Variants in MYRIP observed in about 807,000 individuals in gnomAD.
MYRIP encodes rab effector MyRIP.
Under a neutral mutation model 98.0 loss-of-function variants are expected in MYRIP, and 49 were observed. That is an observed-to-expected ratio of 0.50 (90% confidence interval 0.40 to 0.63). The LOEUF is 0.63. Among genes scored for constraint, MYRIP ranks in the 30% least tolerant of loss-of-function variants. The pLI, the probability that MYRIP is intolerant of heterozygous loss-of-function variation, is 0.00. For synonymous variants in MYRIP, 404 were observed against 409.5 expected, an observed-to-expected ratio of 0.99 and a Z score of 0.16; for missense variants, 1,004 against 1,058.2, an observed-to-expected ratio of 0.95 and a Z score of 0.71.
At chr3:39,981,716 A>G (rs1317460302) in intron 2 of MYRIP, among the ~76,000 whole-genome samples, 3 of 152,150 alleles carry the variant, frequency 2.0e-5, no homozygotes, top group African/African-American at 4.8e-5. Context: ...TGAAGAGACA[A>G]TTTTATCTGA....
At chr3:39,818,599 AT>A (rs1218603309) in intron 1 of MYRIP, among the ~76,000 whole-genome samples, 1 of 150,634 alleles carries the variant, frequency 6.6e-6, no homozygotes, top group East Asian at 1.9e-4. Flanking sequence ...ATCATATGAA[AT>A]AACATATTTT....
intron 1 of MYRIP, among the ~76,000 whole-genome samples, chr3:39,845,999 G>A (rs1941954650): frequency 6.6e-6 from 1 of 152,132 alleles, no homozygotes. Context: ...TCTAGAACTT[G>A]CAGATCAAAT....
In MYRIP at chr3:40,162,744, G is replaced by A; in HGVS notation, c.484G>A (p.Glu162Lys). The A allele has an allele frequency of 6.2e-7, 1 of 1,613,938 alleles. No individual in the cohort carries two copies. The highest frequency in any genetic ancestry group is 8.5e-7 in the Non-Finnish European group (1 of 1,179,902). ...TACCCTGCCAGGAGGAAGCCTTTTT[G>A]AGTCAAACCTGGAGAATGAAGGAAG... Reference protein sequence around the residue: ...CFDILGGSLFESNLENEGSIS... With the variant: ...CFDILGGSLFKSNLENEGSIS... The change falls in exon 5 of 17, where the codon GAG (glutamate) becomes AAG (lysine). Residue 162 changes from glutamate (E) to lysine (K), a missense_variant. By Grantham distance (56) the Glu-to-Lys change is moderately conservative (BLOSUM62 1). Transcript: ENST00000302541.
intron 1 of MYRIP, among the ~76,000 whole-genome samples, chr3:39,874,059 C>G (rs1942896562): frequency 6.6e-6 from 1 of 150,618 alleles, no homozygotes. Flanking sequence ...CTTCACATCC[C>G]TTGTAAGTTG....
chr3:40,254,480 G>T (rs923836555), intron 16 of MYRIP, among the ~76,000 whole-genome samples: 2 of 147,904 alleles, frequency 1.4e-5, no homozygotes, highest in Admixed American at 6.7e-5. Context: ...ATTTGTGTCT[G>T]GGGGGGGTGG....
Position 39,900,100 on chromosome 3 carries a change from C to T in MYRIP, c.-30-687C>T, listed in dbSNP as rs538009852. Among the ~76,000 whole-genome samples, 5 of 152,314 alleles carry T rather than the reference C, an allele frequency of 3.3e-5. No homozygotes were observed. The South Asian group carries it at 6.2e-4, about 19-fold the overall frequency. ...CCTCCCAAAGTGCCGGGATTACAGG[C>T]TTGAGCCACTGTGCCCAGCCAACAA... On this transcript the variant is annotated intron_variant, in intron 1 of 16. Coordinates refer to ENST00000302541, the MANE Select transcript of MYRIP (RefSeq NM_015460.4).
chr3:40,212,219 TATATATACACACACACACACACACAC>T (rs1559456799), intron 11 of MYRIP, among the ~76,000 whole-genome samples: 1,410 of 79,416 alleles, frequency 0.018, 197 homozygotes, highest in African/African-American at 0.045. Context: ...TGTGTATATA[TATATATACACACACACACACACACAC>T]ATATATATAT....
chr3:40,020,693 T>A (rs1457148561), intron 2 of MYRIP, among the ~76,000 whole-genome samples: 1 of 152,222 alleles, frequency 6.6e-6, no homozygotes, highest in East Asian at 1.9e-4. Flanking sequence ...ACTGTACGTG[T>A]AGCAAATGGC....
intron 3 of MYRIP, among the ~76,000 whole-genome samples, chr3:40,046,752 C>T (rs935611074): frequency 5.9e-5 from 9 of 151,758 alleles, no homozygotes; most frequent in Non-Finnish European, 1.0e-4. Context: ...TAAGGGATGG[C>T]GAAATCACTG....
chr3:39,879,145 T>A (rs981640383), intron 1 of MYRIP, among the ~76,000 whole-genome samples: 1 of 151,846 alleles, frequency 6.6e-6, no homozygotes, highest in Non-Finnish European at 1.5e-5. Flanking sequence ...GATATGTTTT[T>A]GTGTATTTTA....
intron 2 of MYRIP, among the ~76,000 whole-genome samples, chr3:39,922,990 C>T (rs1016287066): frequency 1.3e-5 from 2 of 151,950 alleles, no homozygotes; most frequent in South Asian, 2.1e-4. Context: ...AAACCCTTAA[C>T]GAGGAAGTAC....
chr3:40,059,581 T>A (rs1947961930), intron 3 of MYRIP, among the ~76,000 whole-genome samples: 1 of 152,146 alleles, frequency 6.6e-6, no homozygotes, highest in African/African-American at 2.4e-5. Context: ...TAAATGTCTT[T>A]CTTTGTTTCT....
At chr3:39,896,173 GA>G (rs1943607224) in intron 1 of MYRIP, among the ~76,000 whole-genome samples, 1 of 152,212 alleles carries the variant, frequency 6.6e-6, no homozygotes, top group Non-Finnish European at 1.5e-5. Flanking sequence ...TCAGGCAGGA[GA>G]GAAATAGAAC....
At chr3:39,810,305 G>T (rs575914179) in intron 1 of MYRIP, among the ~76,000 whole-genome samples, 4 of 152,216 alleles carry the variant, frequency 2.6e-5, no homozygotes, top group Non-Finnish European at 5.9e-5. Flanking sequence ...TCCGTTAAGC[G>T]CCCCGCAAGC....
intron 3 of MYRIP, among the ~76,000 whole-genome samples, chr3:40,073,713 G>A (rs549203217): frequency 3.3e-4 from 51 of 152,298 alleles, no homozygotes; most frequent in South Asian, 1.2e-3. Context: ...TGATTACTGG[G>A]CATCTTAAGG....
At chr3:39,961,672 C>T (rs796609544) in intron 2 of MYRIP, among the ~76,000 whole-genome samples, 18 of 152,232 alleles carry the variant, frequency 1.2e-4, no homozygotes, top group African/African-American at 4.3e-4. Context: ...TAACCCGTTA[C>T]TAGTCGAGAT....
chr3:40,189,061 T>C (rs978178529), intron 9 of MYRIP, among the ~76,000 whole-genome samples: 2 of 152,216 alleles, frequency 1.3e-5, no homozygotes, highest in African/African-American at 4.8e-5. Flanking sequence ...TGTCCTTGCA[T>C]GGTGCTCTGC....
At chr3:39,869,467 C>G (rs1050341826) in intron 1 of MYRIP, among the ~76,000 whole-genome samples, 1 of 152,028 alleles carries the variant, frequency 6.6e-6, no homozygotes, top group Non-Finnish European at 1.5e-5. Context: ...CTTATACTTT[C>G]ACTTAAGTCT....
chr3:40,072,606 A>T (rs897695203), intron 3 of MYRIP, among the ~76,000 whole-genome samples: 1 of 152,158 alleles, frequency 6.6e-6, no homozygotes, highest in Non-Finnish European at 1.5e-5. Flanking sequence ...AATATATTCA[A>T]ATTTCTTTTG....
Sources: gnomAD v4.1 joint callset for allele counts (sites outside exome capture counted in the v4.1 genomes callset) on GRCh38, gnomAD v4.1.1 for gene constraint, MANE v1.5 for transcripts, NCBI Gene and HGNC (gene_info 2026-07-23, HGNC 2026-07-21) for gene names.